The following OTUD7A variants were observed in gnomAD, a reference collection of about 807,000 sequenced individuals.
The protein encoded by OTUD7A is OTU deubiquitinase 7A, also known as OTU domain-containing protein 7A.
In OTUD7A, 12 loss-of-function variants were observed where a neutral mutation model predicts 65.7. That is an observed-to-expected ratio of 0.18 (90% confidence interval 0.12 to 0.30). The LOEUF (loss-of-function observed/expected upper bound fraction) is 0.30. OTUD7A is among the 10% of genes least tolerant of loss of function. The pLI is 1.00. For synonymous variants in OTUD7A, 641 were observed against 586.3 expected, an observed-to-expected ratio of 1.09 and a Z score of -1.35; for missense variants, 1,148 against 1,304.8, an observed-to-expected ratio of 0.88 and a Z score of 1.85.
chr15:31,522,736 G>A (rs2041954956), intron 8 of OTUD7A, among the ~76,000 whole-genome samples: 3 of 152,154 alleles, frequency 2.0e-5, no homozygotes, highest in South Asian at 2.1e-4. Context: ...CCACGTGGCC[G>A]GGGCCTGGCC....
rs759989767 is a variant in OTUD7A at position 31,559,095 on chromosome 15, A to G, written c.424T>C (p.Phe142Leu). ...GTGTAGATTGGCATCTCCAGGGGGA[A>G]CTGCTCGTTGTTGCATTCACTTGCC... is the stretch of plus-strand genomic sequence containing the variant. ...HVASECNNEQ[F>L]PLEMPIYTFQ... Residue 142 changes from phenylalanine (F) to leucine (L), a missense_variant, in exon 5 of 13, where the codon TTC (phenylalanine) becomes CTC (leucine). Physicochemically the swap from Phe to Leu is conservative, Grantham distance 22. This residue lies in a region of OTUD7A where 134 missense variants were observed against 252.6 expected (regional missense o/e 0.53). Coordinates refer to ENST00000307050, the MANE Select transcript of OTUD7A (RefSeq NM_001382637.1). The G allele has an allele frequency of 3.3e-5, 53 of 1,613,258 alleles. No individual in the cohort carries two copies. The South Asian group carries it at 5.6e-4, about 17-fold the overall frequency.
chr15:31,629,027 G>A (rs1391142062), intron 3 of OTUD7A, among the ~76,000 whole-genome samples: 1 of 152,102 alleles, frequency 6.6e-6, no homozygotes, highest in Non-Finnish European at 1.5e-5. Flanking sequence ...ATACAATCAT[G>A]TCATCTGCAA....
chr15:31,477,472 TA>T lies in OTUD7A; in HGVS notation c.*5821del, dbSNP rs1159170669. ...GAGCCTCATATTTGTGAGGTGGGGCTAGCGGCAGGGCAGGCATTCACTTGTC... is the reference window on the plus strand; with the variant it reads ...GAGCCTCATATTTGTGAGGTGGGGCTGCGGCAGGGCAGGCATTCACTTGTC... On this transcript the variant is annotated 3_prime_UTR_variant, in exon 13 of 13. Transcript: ENST00000307050. 1 of 152,232 alleles carries T rather than the reference TA, an allele frequency of 6.6e-6. No homozygotes were observed. The highest frequency in any genetic ancestry group is 1.5e-5 in the Non-Finnish European group (1 of 68,056). 9.4% of individuals were successfully genotyped at this position (152,232 alleles called of 1,614,324 possible). A position where few individuals can be genotyped will look rare whatever the true frequency, so the allele number is the denominator to read the frequency against.
intron 1 of OTUD7A, among the ~76,000 whole-genome samples, chr15:31,836,617 T>C (rs1365524062): frequency 6.6e-6 from 1 of 152,144 alleles, no homozygotes; most frequent in African/African-American, 2.4e-5. Flanking sequence ...CACTAGAATC[T>C]AGCAATATGT....
rs532655036 is a variant in OTUD7A at position 31,586,437 on chromosome 15, G to A, written c.152-16240C>T. Among the ~76,000 whole-genome samples the A allele has an allele frequency of 2.4e-4, 36 of 152,314 alleles. No individual in the cohort carries two copies. The South Asian group carries it at 6.4e-3, about 27-fold the overall frequency. On this transcript the variant is annotated intron_variant, in intron 3 of 12. Coordinates refer to ENST00000307050, the MANE Select transcript of OTUD7A (RefSeq NM_001382637.1). ...GCACAGCAGCCCCCCAGGGCTGTGG[G>A]TACCACAGGCATTCACTCAGGGGTG...
At chr15:31,666,653 T>C (rs760381283) in intron 1 of OTUD7A, among the ~76,000 whole-genome samples, 22 of 152,182 alleles carry the variant, frequency 1.4e-4, no homozygotes, top group Non-Finnish European at 2.5e-4. Context: ...TGATCTTGGT[T>C]ATTTCCTTTC....
intron 3 of OTUD7A, among the ~76,000 whole-genome samples, chr15:31,633,632 A>G (rs545502549): frequency 2.0e-5 from 3 of 152,150 alleles, no homozygotes; most frequent in Non-Finnish European, 4.4e-5. Flanking sequence ...CCCACCCTGC[A>G]GACCCTCACA....
chr15:31,827,930 A>G (rs1230174654), intron 1 of OTUD7A, among the ~76,000 whole-genome samples: 1 of 151,912 alleles, frequency 6.6e-6, no homozygotes, highest in Non-Finnish European at 1.5e-5. Context: ...ACAAGATTCC[A>G]TCTCAAAAAA....
chr15:31,500,566 G>C (rs2041453136), intron 10 of OTUD7A, among the ~76,000 whole-genome samples: 1 of 152,270 alleles, frequency 6.6e-6, no homozygotes, highest in African/African-American at 2.4e-5. Flanking sequence ...ACACGCTGGT[G>C]CCGCCTCTGG....
chr15:31,816,711 A>T (rs1182230313), intron 1 of OTUD7A, among the ~76,000 whole-genome samples: 1 of 152,130 alleles, frequency 6.6e-6, no homozygotes, highest in Non-Finnish European at 1.5e-5. Context: ...TTAGAATCAC[A>T]TGTTAAACAT....
chr15:31,636,788 T>C (rs755507747), intron 3 of OTUD7A, among the ~76,000 whole-genome samples: 44 of 152,330 alleles, frequency 2.9e-4, no homozygotes, highest in Middle Eastern at 3.4e-3. Context: ...AAAGTTTCAG[T>C]GGTCTGTGGT....
intron 3 of OTUD7A, among the ~76,000 whole-genome samples, chr15:31,641,087 G>A (rs1370723801): frequency 3.3e-5 from 5 of 152,150 alleles, no homozygotes; most frequent in Admixed American, 2.6e-4. Context: ...GCATGAGTGG[G>A]TGGAGGTCAT....
intron 1 of OTUD7A, among the ~76,000 whole-genome samples, chr15:31,690,308 C>T (rs3913617): frequency 0.24 from 35,768 of 151,734 alleles, 4,550 homozygotes; most frequent in African/African-American, 0.32. Context: ...TAACTGATCA[C>T]GAATAATTTG....
At chr15:31,581,881 TC>T (rs1326679989) in intron 3 of OTUD7A, among the ~76,000 whole-genome samples, 6 of 152,334 alleles carry the variant, frequency 3.9e-5, no homozygotes, top group Middle Eastern at 3.4e-3. Flanking sequence ...GGCTTGAGTT[TC>T]CCCCCAGATA....
chr15:31,860,574 T>C (rs1897691465), intron 1 of OTUD7A, among the ~76,000 whole-genome samples: 1 of 142,264 alleles, frequency 7.0e-6, no homozygotes. Context: ...TTTCTAATTA[T>C]AAATACTTGT....
At chr15:31,830,747 CTA>C (rs367759461) in intron 1 of OTUD7A, among the ~76,000 whole-genome samples, 2 of 152,324 alleles carry the variant, frequency 1.3e-5, no homozygotes, top group African/African-American at 4.8e-5. Flanking sequence ...TGAAGATGTC[CTA>C]TGTGTATGCT....
intron 8 of OTUD7A, among the ~76,000 whole-genome samples, chr15:31,509,602 T>G (rs528377220): frequency 6.6e-6 from 1 of 152,250 alleles, no homozygotes; most frequent in South Asian, 2.1e-4. Context: ...AAAACAAAAT[T>G]TTTTTAACCT....
chr15:31,644,767 C>G (rs1891614181), intron 3 of OTUD7A, among the ~76,000 whole-genome samples: 1 of 152,216 alleles, frequency 6.6e-6, no homozygotes, highest in Non-Finnish European at 1.5e-5. Context: ...GTATGAGCTA[C>G]TGTGTCTAGC....
At chr15:31,647,770 C>A (rs1233171600) in intron 3 of OTUD7A, among the ~76,000 whole-genome samples, 1 of 152,040 alleles carries the variant, frequency 6.6e-6, no homozygotes, top group Admixed American at 6.6e-5. Flanking sequence ...GGGACTCATA[C>A]GTGCTGGGTG....
Sources: allele counts gnomAD v4.1 joint callset (sites outside exome capture counted in the v4.1 genomes callset), GRCh38; gene constraint gnomAD v4.1.1; regional missense constraint gnomAD v4.1.1; transcripts MANE v1.5; gene names NCBI Gene and HGNC (gene_info 2026-07-23, HGNC 2026-07-21).